Variants in ANAPC5 observed in about 807,000 individuals in gnomAD.
ANAPC5 encodes anaphase promoting complex subunit 5.
Under a neutral mutation model 91.3 loss-of-function variants are expected in ANAPC5, and 60 were observed. The observed-to-expected ratio is 0.66, with a 90% CI of 0.53 to 0.81. The LOEUF (loss-of-function observed/expected upper bound fraction) is 0.81. ANAPC5 is among the 40% of genes least tolerant of loss of function. The pLI, the probability that ANAPC5 is intolerant of heterozygous loss-of-function variation, is 0.00. For missense variants in ANAPC5, 690 were observed against 931.5 expected, an observed-to-expected ratio of 0.74 and a Z score of 3.37; for synonymous variants, 340 against 364.1, an observed-to-expected ratio of 0.93 and a Z score of 0.75.
chr12:121,326,539 C>T (rs1338373563), intron 11 of ANAPC5: 1 of 152,164 alleles, frequency 6.6e-6, no homozygotes, highest in African/African-American at 2.4e-5. Flanking sequence ...GTCCCATTCC[C>T]ACTGCTCTTC....
At chr12:121,309,887 T>G (rs762616178) in intron 15 of ANAPC5, 24 bp from the exon 16 acceptor site, 12 of 1,598,246 alleles carry the variant, frequency 7.5e-6, no homozygotes, top group Admixed American at 3.5e-5. Flanking sequence ...ATCATGGCAC[T>G]GTACATACCC....
rs1026888638 is a variant in ANAPC5 at position 121,342,448 on chromosome 12, A to G, written c.591-379T>C. 2.6e-5 allele frequency among the ~76,000 whole-genome samples: 4 copies of G among 152,202 alleles called. No homozygotes were observed. Among genetic ancestry groups the G allele is most frequent in the Admixed American group, 6.5e-5 (1 of 15,270 alleles). On this transcript the variant is annotated intron_variant, in intron 4 of 16. Transcript: ENST00000261819. This position sits in a 1 kb window ranked among gnomAD's most constrained non-coding sequence, Gnocchi z 4.1. The stretch of plus-strand genomic sequence containing the variant: ...GACCTCAATGTGAGGCCAAGGACTC[A>G]AAGACCTCAATGTGAGGCCAAAAAC...
intron 15 of ANAPC5, 192 bp downstream of exon 15, chr12:121,318,085 G>A (rs1390901241): frequency 1.9e-6 from 1 of 522,196 alleles, no homozygotes; most frequent in Non-Finnish European, 3.0e-6. Flanking sequence ...AGTGCCACTG[G>A]AAAGTGTCAG....
intron 15 of ANAPC5, among the ~76,000 whole-genome samples, chr12:121,314,917 G>A (rs765209386): frequency 2.6e-5 from 4 of 152,048 alleles, no homozygotes; most frequent in South Asian, 4.2e-4. Context: ...GTGAGACACC[G>A]AGCCAAGACA....
intron 4 of ANAPC5, among the ~76,000 whole-genome samples, chr12:121,344,006 A>G (rs561354338): frequency 2.1e-4 from 32 of 152,356 alleles, no homozygotes; most frequent in African/African-American, 6.5e-4. Flanking sequence ...AGGGAAGGAG[A>G]AGTAAAACAG....
chr12:121,345,418 A>C (rs11610335), intron 4 of ANAPC5, among the ~76,000 whole-genome samples: 6,427 of 152,266 alleles, frequency 0.042, 170 homozygotes, highest in South Asian at 0.077. Context: ...GAAAGGACAG[A>C]GAAGTCATAA....
In ANAPC5 at chr12:121,312,706, CAAAAAAA is replaced by C. The variant is rs34791908; in HGVS notation, c.1894-2850_1894-2844del. Among the ~76,000 whole-genome samples the C allele has an allele frequency of 1.1e-3, 59 of 51,822 alleles. 1 individual carries two copies. The East Asian group carries it at 0.02, about 17-fold the overall frequency. 34.0% of individuals were successfully genotyped at this position (51,822 alleles called of 152,430 possible). The stretch of plus-strand genomic sequence containing the variant: ...TAGGCGACAGAGCGAGACTCTGTCA[CAAAAAAA>C]AAAAAAAAAAAAAAAAATTACCCTA... On this transcript the variant is annotated intron_variant, in intron 15 of 16. Coordinates refer to ENST00000261819, the MANE Select transcript of ANAPC5 (RefSeq NM_016237.5).
chr12:121,346,238 A>C, intron 3 of ANAPC5: 1 of 447,216 alleles, frequency 2.2e-6, no homozygotes. Context: ...GGCACAATCT[A>C]CCCACCCCAC....
intron 11 of ANAPC5, among the ~76,000 whole-genome samples, chr12:121,322,174 T>A (rs1902643520): frequency 6.6e-6 from 1 of 151,228 alleles, no homozygotes; most frequent in Non-Finnish European, 1.5e-5. Context: ...TGTTTTTTTT[T>A]TTGAGAGGGA....
intron 3 of ANAPC5, chr12:121,346,396 C>G (rs782000348): frequency 1.6e-4 from 31 of 192,054 alleles, no homozygotes; most frequent in Non-Finnish European, 3.0e-4. Flanking sequence ...ACGTCCAGAG[C>G]CTGGCACATA....
chr12:121,345,453 A>G lies in ANAPC5; in HGVS notation c.590+386T>C, dbSNP rs370673612. ...AGACACAATACAGTCCCCAGGACTGATAACAGTGGGGTACCTTTCACCTGG... is the reference window on the plus strand; with the variant it reads ...AGACACAATACAGTCCCCAGGACTGGTAACAGTGGGGTACCTTTCACCTGG... On this transcript the variant is annotated intron_variant, in intron 4 of 16. Transcript: ENST00000261819. Among the ~76,000 whole-genome samples the G allele has an allele frequency of 3.9e-5, 6 of 152,312 alleles. No individual in the cohort carries two copies. The South Asian group carries it at 1.0e-3, about 26-fold the overall frequency.
rs1453766850 is a variant in ANAPC5 at position 121,351,090 on chromosome 12, G to C, written c.207+1044C>G. 6.7e-6 allele frequency: 3 copies of C among 448,530 alleles called. No individual in the cohort carries two copies. The Admixed American group carries it at 7.2e-5, about 11-fold the overall frequency. 27.8% of individuals were successfully genotyped at this position (448,530 alleles called of 1,614,324 possible). A position where few individuals can be genotyped will look rare whatever the true frequency, so the allele number is the denominator to read the frequency against. On this transcript the variant is annotated intron_variant, in intron 1 of 16. Coordinates refer to ENST00000261819, the MANE Select transcript of ANAPC5 (RefSeq NM_016237.5). ...TCTGCAAAATGAAATAACACATGAC[G>C]GCCGGGCGCAGTGGCTCACTCCTGT...
At chr12:121,337,149 C>T (rs1427583036) in intron 6 of ANAPC5, 142 bp downstream of exon 6, 3 of 578,460 alleles carry the variant, frequency 5.2e-6, no homozygotes, top group Admixed American at 2.6e-5. Context: ...ACCAGGGAGT[C>T]GGAGGTTGCA....
rs1185272699 is a variant in ANAPC5 at position 121,308,540 on chromosome 12, G to A, written c.2208C>T (p.Leu736=). 3 of 1,614,144 alleles carry A rather than the reference G, an allele frequency of 1.9e-6. No homozygotes were observed. The highest frequency in any genetic ancestry group is 2.7e-5 in the African/African-American group (2 of 75,054). ...GCAGCTCCTGATGCAGCTGCCGGAA[G>A]AGCATCGCACACCGGTTCCTCTCCT... ...KTQERNRCAM[L]FRQLHQELPS... Residue 736 remains leucine, a synonymous_variant, in exon 17 of 17, where the codon CTC becomes CTT. Transcript: ENST00000261819.
At chr12:121,313,116 A>G (rs1902235665) in intron 15 of ANAPC5, among the ~76,000 whole-genome samples, 1 of 152,198 alleles carries the variant, frequency 6.6e-6, no homozygotes, top group Non-Finnish European at 1.5e-5. Context: ...ACCTGAGGTC[A>G]GGCGTTCGAG....
rs185801038 is a variant in ANAPC5 at position 121,311,549 on chromosome 12, T to C, written c.1894-1686A>G. 2.6e-3 allele frequency among the ~76,000 whole-genome samples: 394 copies of C among 152,174 alleles called. 1 individual carries two copies. The highest frequency in any genetic ancestry group is 4.2e-3 in the Non-Finnish European group (289 of 68,002). On this transcript the variant is annotated intron_variant, in intron 15 of 16. Coordinates refer to ENST00000261819, the MANE Select transcript of ANAPC5 (RefSeq NM_016237.5). Reference sequence around the variant, plus strand: ...GGAGAAATAGACAATTCAACAATAATAGGCCAGGCACAGTATCTCATGCCT... The same window carrying C: ...GGAGAAATAGACAATTCAACAATAACAGGCCAGGCACAGTATCTCATGCCT...
intron 2 of ANAPC5, chr12:121,347,464 T>C (rs1311899151): frequency 3.6e-6 from 1 of 280,662 alleles, no homozygotes; most frequent in Non-Finnish European, 6.7e-6. Flanking sequence ...ATCCCATCTC[T>C]ACTAAAAATA....
chr12:121,347,748 G>C, intron 2 of ANAPC5, 54 bp downstream of exon 2: 1 of 1,387,652 alleles, frequency 7.2e-7, no homozygotes, highest in Non-Finnish European at 1.0e-6. Context: ...ACCCTTTTGT[G>C]ATTTTCATCT....
chr12:121,337,205 A>T, intron 6 of ANAPC5, 86 bp downstream of exon 6: 1 of 1,077,638 alleles, frequency 9.3e-7, no homozygotes, highest in Non-Finnish European at 1.4e-6. Flanking sequence ...CAACAGAGTA[A>T]GACTCTGTTT....
Sources: allele counts gnomAD v4.1 joint callset (sites outside exome capture counted in the v4.1 genomes callset), GRCh38; gene constraint gnomAD v4.1.1; non-coding constraint Gnocchi (gnomAD v3.1); transcripts MANE v1.5; gene names NCBI Gene and HGNC (gene_info 2026-07-23, HGNC 2026-07-21).